The following DRC8 variants were observed in gnomAD, a reference collection of about 807,000 sequenced individuals.
DRC8 encodes the protein dynein regulatory complex protein 8.
At chr1:245,043,705 A>C in the DRC8 span, among the ~76,000 whole-genome samples, 1 of 152,172 alleles carries the variant, frequency 6.6e-6, no homozygotes, top group Non-Finnish European at 1.5e-5. Context: ...GCTGTTGAGG[A>C]GATGAACCCG....
chr1:245,113,810 T>C, the DRC8 span, among the ~76,000 whole-genome samples: 4 of 152,060 alleles, frequency 2.6e-5, no homozygotes, highest in Non-Finnish European at 5.9e-5. Context: ...CTTACGGTGA[T>C]GGCTCTTGTC....
chr1:245,100,068 A>G, the DRC8 span, among the ~76,000 whole-genome samples: 3 of 152,200 alleles, frequency 2.0e-5, no homozygotes, highest in African/African-American at 4.8e-5. Context: ...ATTACCTATA[A>G]TACTATAATC....
At chr1:245,043,782 G>C in the DRC8 span, 1 of 152,220 alleles carries the variant, frequency 6.6e-6, no homozygotes, top group African/African-American at 2.4e-5. Context: ...CTCAGCGTCA[G>C]TGGTGTGCTG....
At chr1:245,007,428 A>G in the DRC8 span, among the ~76,000 whole-genome samples, 1 of 152,286 alleles carries the variant, frequency 6.6e-6, no homozygotes, top group South Asian at 2.1e-4. Context: ...GATCTTAGTG[A>G]ATTTTTGTTA....
chr1:245,002,204 C>T, the DRC8 span: 8 of 1,609,846 alleles, frequency 5.0e-6, no homozygotes, highest in African/African-American at 1.3e-5. Flanking sequence ...GAGACCATCA[C>T]ACAATGACGG....
At chr1:245,012,897 T>C in the DRC8 span, among the ~76,000 whole-genome samples, 1 of 152,162 alleles carries the variant, frequency 6.6e-6, no homozygotes, top group Non-Finnish European at 1.5e-5. Flanking sequence ...AAAAAGAGGC[T>C]AATAGAGTGG....
At chr1:245,028,054 G>A in the DRC8 span, among the ~76,000 whole-genome samples, 3 of 152,054 alleles carry the variant, frequency 2.0e-5, no homozygotes, top group East Asian at 3.9e-4. Context: ...ACCACACCCA[G>A]CTAAATTTTA....
At chr1:244,984,341 T>C in the DRC8 span, among the ~76,000 whole-genome samples, 1 of 152,196 alleles carries the variant, frequency 6.6e-6, no homozygotes, top group Admixed American at 6.5e-5. Flanking sequence ...ATTGTCTCTC[T>C]ATCCTGTTAC....
chr1:245,087,227 C>T, the DRC8 span: 2 of 1,598,292 alleles, frequency 1.3e-6, no homozygotes, highest in African/African-American at 1.4e-5. Context: ...GATAAATTTT[C>T]CTTTTTGTCT....
chr1:245,086,684 C>T, the DRC8 span: 1 of 529,826 alleles, frequency 1.9e-6, no homozygotes, highest in Non-Finnish European at 3.9e-6. Flanking sequence ...GTTCTAAGTC[C>T]CATTCAAATC....
the DRC8 span, among the ~76,000 whole-genome samples, chr1:244,994,986 T>C: frequency 1.3e-5 from 2 of 152,208 alleles, no homozygotes; most frequent in African/African-American, 2.4e-5. Context: ...CAACTAGCAA[T>C]TCCTGGCTCC....
At chr1:244,980,476 G>A in the DRC8 span, among the ~76,000 whole-genome samples, 14 of 152,102 alleles carry the variant, frequency 9.2e-5, no homozygotes, top group Non-Finnish European at 7.4e-5. Flanking sequence ...CTCCAGGTTT[G>A]GGACTCCAGG....
the DRC8 span, among the ~76,000 whole-genome samples, chr1:245,105,635 A>AC: frequency 6.6e-6 from 1 of 151,082 alleles, no homozygotes. Context: ...AAAAAAAAAA[A>AC]AAACAAAAAA....
chr1:245,030,016 G>A, the DRC8 span, among the ~76,000 whole-genome samples: 1 of 152,154 alleles, frequency 6.6e-6, no homozygotes, highest in Non-Finnish European at 1.5e-5. Flanking sequence ...GAGGCCTCTG[G>A]GTGTGTACCC....
At chr1:244,995,462 G>T in the DRC8 span, among the ~76,000 whole-genome samples, 21,945 of 152,016 alleles carry the variant, frequency 0.14, 2,362 homozygotes, top group African/African-American at 0.3. Context: ...GGGCTCAAGC[G>T]ATTTTCCCAC....
chr1:245,106,969 G>A, the DRC8 span, among the ~76,000 whole-genome samples: 1 of 152,186 alleles, frequency 6.6e-6, no homozygotes, highest in South Asian at 2.1e-4. Flanking sequence ...GCTGGAACCC[G>A]GGAGGCGGAG....
chr1:245,040,974 A>T, the DRC8 span, among the ~76,000 whole-genome samples: 3 of 152,360 alleles, frequency 2.0e-5, no homozygotes, highest in South Asian at 6.2e-4. Flanking sequence ...TAAATGCTAC[A>T]CTGTAAATAA....
At chr1:245,045,089 A>G in the DRC8 span, among the ~76,000 whole-genome samples, 1 of 152,174 alleles carries the variant, frequency 6.6e-6, no homozygotes, top group Admixed American at 6.5e-5. Flanking sequence ...AGCTCACTGC[A>G]GCTTCAACCT....
the DRC8 span, among the ~76,000 whole-genome samples, chr1:245,081,621 A>G: frequency 1.3e-5 from 2 of 152,052 alleles, no homozygotes; most frequent in African/African-American, 4.8e-5. Flanking sequence ...GGTGTGCGCC[A>G]CTACGCCCAT....
Sources: allele counts gnomAD v4.1 joint callset (sites outside exome capture counted in the v4.1 genomes callset), GRCh38; gene constraint gnomAD v4.1.1; transcripts MANE v1.5; gene names NCBI Gene and HGNC (gene_info 2026-07-23, HGNC 2026-07-21).